Variants in TNKS observed in about 807,000 individuals in gnomAD.
TNKS encodes the protein poly [ADP-ribose] polymerase tankyrase-1.
A neutral mutation model predicts 135.8 loss-of-function variants in TNKS; 72 were observed. The ratio of observed to expected loss-of-function variants is 0.53; its 90% CI spans 0.44 to 0.64. The LOEUF is 0.64. Ranked by LOEUF, TNKS falls within the 30% of genes least tolerant of loss-of-function variation. The pLI is 0.00. For synonymous variants in TNKS, 849 were observed against 649.3 expected (o/e 1.31, Z -4.68); for missense variants, 1,769 against 1,674.0 (o/e 1.06, Z -0.99).
chr8:9,615,673 T>TA lies in TNKS; in HGVS notation c.991dup (p.Thr331AsnfsTer3). On this transcript the variant is annotated frameshift_variant, in exon 3 of 27. Coordinates refer to ENST00000310430, the MANE Select transcript of TNKS (RefSeq NM_003747.3). LOFTEE classifies it high-confidence loss of function. ...CAGATCCTTCAGCAAAAGCTGTCCT[T>TA]ACAGGTAAGAAGACAGAGAGCTACC... 1 of 1,610,618 alleles carries TA rather than the reference T, an allele frequency of 6.2e-7. No individual in the cohort carries two copies. Among genetic ancestry groups the TA allele is most frequent in the Non-Finnish European group, 8.5e-7 (1 of 1,177,980 alleles).
intron 5 of TNKS, among the ~76,000 whole-genome samples, chr8:9,696,582 GATAA>G (rs1397602834): frequency 8.5e-5 from 13 of 152,262 alleles, no homozygotes; most frequent in Middle Eastern, 3.4e-3. Flanking sequence ...TGCTAGAACT[GATAA>G]ACGATTTTAG....
At chr8:9,684,230 T>C (rs1230043483) in intron 5 of TNKS, among the ~76,000 whole-genome samples, 1 of 152,038 alleles carries the variant, frequency 6.6e-6, no homozygotes, top group Non-Finnish European at 1.5e-5. Context: ...CTTGGATTTT[T>C]TGATCTTTAA....
At chr8:9,556,676 A>G in intron 1 of TNKS, 64 bp downstream of exon 1, 4 of 1,585,288 alleles carry the variant, frequency 2.5e-6, no homozygotes, top group Non-Finnish European at 3.4e-6. Flanking sequence ...GGTTAGGACA[A>G]GAAAACAGGT....
At chr8:9,686,838 C>G (rs534082020) in intron 5 of TNKS, among the ~76,000 whole-genome samples, 3 of 148,516 alleles carry the variant, frequency 2.0e-5, no homozygotes, top group Non-Finnish European at 4.5e-5. Context: ...CAAATTTTAT[C>G]ATATCTCTGA....
intron 5 of TNKS, among the ~76,000 whole-genome samples, chr8:9,692,539 C>T (rs1020371089): frequency 1.1e-4 from 17 of 152,264 alleles, no homozygotes; most frequent in South Asian, 6.2e-4. Flanking sequence ...TCGTTAGATG[C>T]GTTTAGCTCT....
chr8:9,732,683 CT>C (rs1427451346), intron 14 of TNKS, among the ~76,000 whole-genome samples: 1 of 151,516 alleles, frequency 6.6e-6, no homozygotes, highest in African/African-American at 2.4e-5. Context: ...TCTTTTTGTC[CT>C]TTTAGAATGT....
chr8:9,706,383 A>T, intron 7 of TNKS, 130 bp downstream of exon 7: 2 of 707,972 alleles, frequency 2.8e-6, no homozygotes, highest in Non-Finnish European at 4.4e-6. Context: ...GTTTGTTTTG[A>T]GACAGGGTCT....
intron 14 of TNKS, 122 bp downstream of exon 14, chr8:9,731,157 A>T: frequency 8.0e-7 from 1 of 1,244,230 alleles, no homozygotes; most frequent in African/African-American, 1.5e-5. Flanking sequence ...TGTTTAAAAC[A>T]TAAATTAAAA....
At chr8:9,635,080 G>T (rs1049519764) in intron 3 of TNKS, among the ~76,000 whole-genome samples, 1 of 152,032 alleles carries the variant, frequency 6.6e-6, no homozygotes, top group African/African-American at 2.4e-5. Flanking sequence ...TGAGGCCGGA[G>T]ACTGGCGTAA....
At chr8:9,749,749 C>T (rs1360017936) in intron 18 of TNKS, among the ~76,000 whole-genome samples, 2 of 152,146 alleles carry the variant, frequency 1.3e-5, no homozygotes, top group African/African-American at 2.4e-5. Context: ...TCCCAAAGTG[C>T]TGGGATTACA....
intron 5 of TNKS, 174 bp downstream of exon 5, chr8:9,680,974 C>T: frequency 2.1e-6 from 1 of 476,280 alleles, no homozygotes; most frequent in East Asian, 3.2e-5. Flanking sequence ...ATTCATAGAA[C>T]TGGTGAAGCA....
rs576220276 is a variant in TNKS, at chr8:9,608,403, C to T, written c.899-7179C>T. ...TGCTTATTCATAACTAACGTTGATG[C>T]TAAGGTGCGTCAGGTGTGTTAACAA... On this transcript the variant is annotated intron_variant, in intron 2 of 26. Coordinates refer to ENST00000310430, the MANE Select transcript of TNKS (RefSeq NM_003747.3). 2.0e-5 allele frequency among the ~76,000 whole-genome samples: 3 copies of T among 152,162 alleles called. No homozygotes were observed. The South Asian group carries it at 6.2e-4, about 32-fold the overall frequency.
chr8:9,577,173 T>A (rs914815186), intron 1 of TNKS, among the ~76,000 whole-genome samples: 1 of 152,070 alleles, frequency 6.6e-6, no homozygotes, highest in East Asian at 1.9e-4. Flanking sequence ...CACGAGGATT[T>A]TGGTTGAAAA....
At chr8:9,621,655 C>G (rs918708276) in intron 3 of TNKS, among the ~76,000 whole-genome samples, 1 of 152,032 alleles carries the variant, frequency 6.6e-6, no homozygotes, top group African/African-American at 2.4e-5. Flanking sequence ...TATACTATAA[C>G]CTGGCATATT....
chr8:9,729,874 AG>A (rs1805347115), intron 13 of TNKS, among the ~76,000 whole-genome samples: 1 of 147,190 alleles, frequency 6.8e-6, no homozygotes, highest in Non-Finnish European at 1.5e-5. Context: ...CCTGGGTTCA[AG>A]CAATTCTCCT....
At chr8:9,758,379 A>G (rs529824580) in intron 20 of TNKS, among the ~76,000 whole-genome samples, 13 of 152,244 alleles carry the variant, frequency 8.5e-5, no homozygotes, top group African/African-American at 3.1e-4. Context: ...CCTTCAGGAT[A>G]GCCTAATAAA....
At chr8:9,614,243 A>G (rs1799560048) in intron 2 of TNKS, among the ~76,000 whole-genome samples, 1 of 152,214 alleles carries the variant, frequency 6.6e-6, no homozygotes, top group East Asian at 1.9e-4. Context: ...ATTTTATTCT[A>G]CTGACTCTTG....
chr8:9,700,853 T>G (rs545166378), intron 5 of TNKS, among the ~76,000 whole-genome samples: 5 of 152,344 alleles, frequency 3.3e-5, no homozygotes, highest in African/African-American at 9.6e-5. Context: ...AATATATTAC[T>G]GTTTTCAAAG....
At position 9,585,177 on chromosome 8, in the gene TNKS, A is replaced by G. The variant is rs144715503; in HGVS notation, c.898+4794A>G. Among the ~76,000 whole-genome samples, 40 of 151,916 alleles carry G rather than the reference A, an allele frequency of 2.6e-4. No individual in the cohort carries two copies. In the East Asian group the frequency reaches 7.5e-3, roughly 29 times the overall value. ...AAATCCACCACCTAATTTTTTTTTC[A>G]GAGGAAACAATTTAGTAGATGAATT... On this transcript the variant is annotated intron_variant, in intron 2 of 26. Transcript: ENST00000310430.
Sources: gnomAD v4.1 joint callset for allele counts (sites outside exome capture counted in the v4.1 genomes callset) on GRCh38, gnomAD v4.1.1 for gene constraint, MANE v1.5 for transcripts, NCBI Gene and HGNC (gene_info 2026-07-23, HGNC 2026-07-21) for gene names.